Variants in DRC1 observed in about 807,000 individuals in gnomAD.
DRC1 encodes the protein dynein regulatory complex subunit 1.
DRC1 carries 74 observed loss-of-function variants against 98.7 expected under a neutral mutation model. The observed-to-expected ratio is 0.75, with a 90% confidence interval of 0.62 to 0.91. The LOEUF (loss-of-function observed/expected upper bound fraction) is 0.91. Among genes scored for constraint, DRC1 ranks in the 40% least tolerant of loss-of-function variants. DRC1 has a pLI of 0.00. For synonymous variants in DRC1, 336 were observed against 334.1 expected, an observed-to-expected ratio of 1.01 and a Z score of -0.06; for missense variants, 875 against 886.0, an observed-to-expected ratio of 0.99 and a Z score of 0.16.
At chr2:26,446,094 ATTT>A (rs35251803) in intron 10 of DRC1, among the ~76,000 whole-genome samples, 6 of 82,996 alleles carry the variant, frequency 7.2e-5, no homozygotes, top group Non-Finnish European at 1.1e-4. Context: ...CAAATAGGGA[ATTT>A]TTTTTTTTTT....
At position 26,454,873 on chromosome 2, in the gene DRC1, C is replaced by T. The variant is rs1664102326; in HGVS notation, c.2063+83C>T. 6.3e-7 allele frequency: 1 copy of T among 1,591,350 alleles called. No individual in the cohort carries two copies. The highest frequency in any genetic ancestry group is 1.1e-5 in the South Asian group (1 of 87,584). ...TGGGAGCAGCCGCGTTTGCTGCCTC[C>T]CTGTCCCACTGAACCTGGGAGGGAA... On this transcript the variant is annotated intron_variant, in intron 15 of 16. Transcript: ENST00000288710. This position sits in a 1 kb window ranked among gnomAD's most constrained non-coding sequence, Gnocchi z 5.2.
intron 12 of DRC1, 116 bp downstream of exon 12, chr2:26,450,201 G>A: frequency 2.1e-6 from 2 of 936,906 alleles, no homozygotes; most frequent in South Asian, 3.0e-5. Context: ...GGCTTCCCCT[G>A]CTCCCTGTCA....
At position 26,448,689 on chromosome 2, in the gene DRC1, A is replaced by T. The variant is rs752882432; in HGVS notation, c.1397-2A>T. ...TCTCTCCTCCCCATGACCCAACTGC[A>T]GAAGAGGAGGAGGCAGAAGAGGCCG... On this transcript the variant is annotated splice_acceptor_variant, in intron 10 of 16. Transcript: ENST00000288710. LOFTEE classifies it high-confidence loss of function. The T allele has an allele frequency of 1.2e-6, 2 of 1,614,046 alleles. No individual in the cohort carries two copies. Among genetic ancestry groups the T allele is most frequent in the Admixed American group, 3.3e-5 (2 of 60,028 alleles).
chr2:26,443,450 T>C (rs1377570577), intron 8 of DRC1, among the ~76,000 whole-genome samples: 2 of 152,178 alleles, frequency 1.3e-5, no homozygotes. Flanking sequence ...CTTGCTATTC[T>C]GGAAATTTTG....
At chr2:26,445,836 T>C (rs907783093) in intron 10 of DRC1, among the ~76,000 whole-genome samples, 1 of 151,894 alleles carries the variant, frequency 6.6e-6, no homozygotes, top group Admixed American at 6.6e-5. Flanking sequence ...TTTTGTTTAT[T>C]TTTAGTAGAG....
rs376994896 is a variant in DRC1, at chr2:26,454,835, G to A, written c.2063+45G>A. 3.1e-6 allele frequency: 5 copies of A among 1,612,044 alleles called. No homozygotes were observed. The African/African-American group carries it at 6.7e-5, about 22-fold the overall frequency. On this transcript the variant is annotated intron_variant, in intron 15 of 16. Coordinates refer to ENST00000288710, the MANE Select transcript of DRC1 (RefSeq NM_145038.5). The surrounding 1 kb of genome is among the most constrained non-coding windows in gnomAD (Gnocchi z 5.2). ...AGCAGGAGGGTGCTGGCGGGCAGGT[G>A]AGGAACGGTTGTTGGGAGCAGCCGC...
chr2:26,416,328 A>G (rs1267637304), intron 2 of DRC1, among the ~76,000 whole-genome samples: 1 of 151,926 alleles, frequency 6.6e-6, no homozygotes, highest in Non-Finnish European at 1.5e-5. Flanking sequence ...TTTAGTAGAG[A>G]CAGGGTTTTC....
In DRC1 at chr2:26,424,769, T is replaced by G. The variant is rs1378344900; in HGVS notation, c.540+315T>G. Among the ~76,000 whole-genome samples the G allele has an allele frequency of 2.0e-5, 3 of 152,094 alleles. No individual in the cohort carries two copies. The East Asian group carries it at 5.8e-4, about 29-fold the overall frequency. ...GAGTTTGAGACCAGCCTGGCCAACA[T>G]GGTGAAACCCCATCTCTACTAAAAA... On this transcript the variant is annotated intron_variant, in intron 4 of 16. Coordinates refer to ENST00000288710, the MANE Select transcript of DRC1 (RefSeq NM_145038.5).
At chr2:26,445,983 G>A (rs1014970841) in intron 10 of DRC1, among the ~76,000 whole-genome samples, 7 of 151,686 alleles carry the variant, frequency 4.6e-5, no homozygotes, top group Admixed American at 1.3e-4. Flanking sequence ...TTTTAACAGC[G>A]TCCTGGCTCT....
At chr2:26,412,079 C>T (rs1678627783) in intron 1 of DRC1, among the ~76,000 whole-genome samples, 2 of 151,892 alleles carry the variant, frequency 1.3e-5, no homozygotes, top group Admixed American at 1.3e-4. Context: ...ATAGGGAAGC[C>T]AATGAAATGA....
intron 3 of DRC1, among the ~76,000 whole-genome samples, chr2:26,422,246 A>G (rs529818397): frequency 1.3e-5 from 2 of 152,314 alleles, no homozygotes; most frequent in East Asian, 3.9e-4. Flanking sequence ...TATGCGGGTA[A>G]TGGAAGAAAA....
chr2:26,453,268 T>G, intron 13 of DRC1, 52 bp from the exon 14 acceptor site: 2 of 1,602,840 alleles, frequency 1.2e-6, no homozygotes, highest in Non-Finnish European at 1.7e-6. Flanking sequence ...TCTCTCTCCA[T>G]GCTCATGCTC....
chr2:26,430,743 C>A, intron 5 of DRC1, 43 bp from the exon 6 acceptor site: 1 of 1,599,832 alleles, frequency 6.3e-7, no homozygotes, highest in South Asian at 1.1e-5. Flanking sequence ...GGGACCTGCC[C>A]AATCAAAACA....
chr2:26,454,809 G>T lies in DRC1; in HGVS notation c.2063+19G>T, dbSNP rs369182776. The T allele has an allele frequency of 1.2e-6, 2 of 1,613,778 alleles. No homozygotes were observed. Among genetic ancestry groups the T allele is most frequent in the Non-Finnish European group, 1.7e-6 (2 of 1,179,826 alleles). ...AGTACCAGTAAGTGTGCATGTCATG[G>T]AGCAGGAGGGTGCTGGCGGGCAGGT... On this transcript the variant is annotated intron_variant, in intron 15 of 16. Transcript: ENST00000288710. The surrounding 1 kb of genome is among the most constrained non-coding windows in gnomAD (Gnocchi z 5.2).
intron 1 of DRC1, among the ~76,000 whole-genome samples, chr2:26,406,987 T>C (rs1161663852): frequency 6.6e-6 from 1 of 151,448 alleles, no homozygotes; most frequent in East Asian, 2.0e-4. Context: ...CCCCGCTAAT[T>C]TTTTGTATTT....
At chr2:26,455,272 C>T (rs749323288) in intron 16 of DRC1, 39 bp downstream of exon 16, 28 of 1,590,248 alleles carry the variant, frequency 1.8e-5, no homozygotes, top group South Asian at 5.6e-5. Context: ...CAGCGGGAGA[C>T]ACGGGTGGGG....
chr2:26,436,066 T>A (rs1423588132), intron 7 of DRC1, among the ~76,000 whole-genome samples: 1 of 152,130 alleles, frequency 6.6e-6, no homozygotes, highest in African/African-American at 2.4e-5. Context: ...CTAATTTACC[T>A]TCCCTCCAGC....
At chr2:26,430,523 C>A (rs907319119) in intron 5 of DRC1, 5 of 557,190 alleles carry the variant, frequency 9.0e-6, no homozygotes, top group South Asian at 6.1e-5. Flanking sequence ...TCCTCCAGTT[C>A]CCTGCCTCTG....
rs141160156 is a variant in DRC1, at chr2:26,402,046, C to T, written c.57C>T (p.Ser19=). ...ACCCGAACGTGGACGAGCACTTGTC[C>T]ACCCAGATTCTCGCGCCCTCGGTCC... is the stretch of plus-strand genomic sequence containing the variant. The part of the protein sequence containing the change: ...ALDPNVDEHL[S]TQILAPSVHS... Residue 19 remains serine (S), a synonymous_variant, in exon 1 of 17, where the codon TCC becomes TCT. Transcript: ENST00000288710. 125 of 1,613,120 alleles carry T rather than the reference C, an allele frequency of 7.7e-5. No individual in the cohort carries two copies. Among genetic ancestry groups the T allele is most frequent in the Non-Finnish European group, 1.0e-4 (119 of 1,179,726 alleles).
Sources: gnomAD v4.1 joint callset for allele counts (sites outside exome capture counted in the v4.1 genomes callset) on GRCh38, gnomAD v4.1.1 for gene constraint, Gnocchi (gnomAD v3.1) non-coding constraint, MANE v1.5 for transcripts, NCBI Gene and HGNC (gene_info 2026-07-23, HGNC 2026-07-21) for gene names.